Variants in PRKACB observed in about 807,000 individuals in gnomAD.
PRKACB encodes the protein cAMP-dependent protein kinase catalytic subunit beta.
Under a neutral mutation model 51.4 loss-of-function variants are expected in PRKACB, and 16 were observed. That is an observed-to-expected ratio of 0.31 (90% CI 0.21 to 0.47). The LOEUF is 0.47. Ranked by LOEUF, PRKACB falls within the 20% of genes least tolerant of loss-of-function variation. The pLI is 1.00. For synonymous variants in PRKACB, 147 were observed against 154.4 expected, an observed-to-expected ratio of 0.95 and a Z score of 0.35; for missense variants, 309 against 464.5, an observed-to-expected ratio of 0.67 and a Z score of 3.08.
intron 1 of PRKACB, among the ~76,000 whole-genome samples, chr1:84,171,804 G>A (rs1659568964): frequency 6.6e-6 from 1 of 151,412 alleles, no homozygotes; most frequent in Non-Finnish European, 1.5e-5. Context: ...TTTCAGAATT[G>A]ATAACAGAAT....
At chr1:84,170,960 T>C (rs998397671) in intron 1 of PRKACB, among the ~76,000 whole-genome samples, 8 of 151,526 alleles carry the variant, frequency 5.3e-5, no homozygotes, top group African/African-American at 1.9e-4. Flanking sequence ...CTAAATGTAT[T>C]CAACAAATTT....
Position 84,235,168 on chromosome 1 carries a change from T to G in PRKACB, c.1072-12T>G, listed in dbSNP as rs1189809686. 6.3e-7 allele frequency: 1 copy of G among 1,582,910 alleles called. No individual in the cohort carries two copies. Among genetic ancestry groups the G allele is most frequent in the Non-Finnish European group, 8.5e-7 (1 of 1,169,850 alleles). On this transcript the variant is annotated splice_polypyrimidine_tract_variant and intron_variant, in intron 9 of 9. Transcript: ENST00000370685. ...TTCCTTTTTCTTATTTTTCTCTCCC[T>G]CTCAATTATAGGTTGAAGCTCCATT...
At chr1:84,163,781 C>T (rs1180368178) in intron 1 of PRKACB, among the ~76,000 whole-genome samples, 1 of 152,066 alleles carries the variant, frequency 6.6e-6, no homozygotes, top group South Asian at 2.1e-4. Context: ...TCCTGACTTA[C>T]TTCCACATCA....
intron 8 of PRKACB, among the ~76,000 whole-genome samples, chr1:84,207,505 G>T (rs1013560312): frequency 6.6e-6 from 1 of 152,132 alleles, no homozygotes; most frequent in Non-Finnish European, 1.5e-5. Context: ...ATTGTCTAAT[G>T]TGTATGTTCA....
chr1:84,165,406 T>G (rs928591732), intron 1 of PRKACB, among the ~76,000 whole-genome samples: 2 of 151,824 alleles, frequency 1.3e-5, no homozygotes, highest in Non-Finnish European at 2.9e-5. Flanking sequence ...TGCTAATTTT[T>G]ATTAGATTAT....
At chr1:84,198,176 G>A (rs909956754) in intron 7 of PRKACB, among the ~76,000 whole-genome samples, 1 of 152,218 alleles carries the variant, frequency 6.6e-6, no homozygotes, top group East Asian at 1.9e-4. Context: ...GAGATGATAT[G>A]TACTAGTTGT....
intron 1 of PRKACB, among the ~76,000 whole-genome samples, chr1:84,147,092 T>A (rs1654202197): frequency 6.6e-6 from 1 of 152,086 alleles, no homozygotes; most frequent in African/African-American, 2.4e-5. Flanking sequence ...AGTTATACAA[T>A]GCTGACTTAA....
intron 1 of PRKACB, among the ~76,000 whole-genome samples, chr1:84,148,971 C>T (rs891470402): frequency 7.9e-5 from 12 of 152,096 alleles, no homozygotes; most frequent in Non-Finnish European, 1.2e-4. Flanking sequence ...CTCCTGGGAG[C>T]TTGTTAGGAG....
At chr1:84,130,126 C>T (rs1652026552) in intron 1 of PRKACB, among the ~76,000 whole-genome samples, 1 of 131,266 alleles carries the variant, frequency 7.6e-6, no homozygotes, top group Admixed American at 9.1e-5. Context: ...GGAGGCGGAG[C>T]TTGCAGTGAG....
intron 1 of PRKACB, among the ~76,000 whole-genome samples, chr1:84,151,783 A>G (rs1159783691): frequency 6.6e-6 from 1 of 152,220 alleles, no homozygotes; most frequent in African/African-American, 2.4e-5. Flanking sequence ...TTTTAATTCT[A>G]ATTATCTTGT....
rs1676579972 is a variant in PRKACB, at chr1:84,235,445, T to A, written c.*140T>A. 8.9e-7 allele frequency: 1 copy of A among 1,121,096 alleles called. No homozygotes were observed. Among genetic ancestry groups the A allele is most frequent in the South Asian group, 1.4e-5 (1 of 69,196 alleles). 69.4% of individuals were successfully genotyped at this position (1,121,096 alleles called of 1,614,324 possible). A position where few individuals can be genotyped will look rare whatever the true frequency, so the allele number is the denominator to read the frequency against. On this transcript the variant is annotated 3_prime_UTR_variant, in exon 10 of 10. Coordinates refer to ENST00000370685, the MANE Select transcript of PRKACB (RefSeq NM_182948.4). ...CTGAGTGAGGTCTTTATTGCCATCA[T>A]CCCGTGTGCGCACTCTGCATCCACC...
chr1:84,111,477 T>G (rs554190923), intron 1 of PRKACB, among the ~76,000 whole-genome samples: 7 of 152,298 alleles, frequency 4.6e-5, no homozygotes, highest in East Asian at 1.9e-4. Context: ...ATACCTTATA[T>G]TAGTATGGAT....
intron 4 of PRKACB, among the ~76,000 whole-genome samples, chr1:84,184,386 A>C (rs1664483030): frequency 6.6e-6 from 1 of 151,890 alleles, no homozygotes; most frequent in South Asian, 2.1e-4. Context: ...GAAATATTTC[A>C]ATTTATCAAA....
intron 1 of PRKACB, chr1:84,164,422 TGTGA>T (rs1477223279): frequency 6.4e-7 from 1 of 1,572,500 alleles, no homozygotes; most frequent in Non-Finnish European, 8.6e-7. Flanking sequence ...CATGGGATTG[TGTGA>T]GTATTTGAAG....
chr1:84,122,548 A>G lies in PRKACB; in HGVS notation c.46+44177A>G, dbSNP rs76667777. ...AAATTGCATTAAACCAGCTCAATAT[A>G]AGAACAACTGTTTTCTTAAAAGTTA... On this transcript the variant is annotated intron_variant, in intron 1 of 8. Coordinates refer to the PRKACB transcript ENST00000370688. 7.5e-3 allele frequency among the ~76,000 whole-genome samples: 1,140 copies of G among 152,310 alleles called. 15 individuals are homozygous for G. Among genetic ancestry groups the G allele is most frequent in the African/African-American group, 0.025 (1,058 of 41,570 alleles).
At chr1:84,171,372 T>C (rs1407677174) in intron 1 of PRKACB, among the ~76,000 whole-genome samples, 1 of 151,560 alleles carries the variant, frequency 6.6e-6, no homozygotes, top group Non-Finnish European at 1.5e-5. Flanking sequence ...GAAAATATTT[T>C]AAAGTACTAA....
At position 84,093,925 on chromosome 1, in the gene PRKACB, A is replaced by G. The variant is rs113802102; in HGVS notation, c.46+15554A>G. Among the ~76,000 whole-genome samples, 573 of 152,120 alleles carry G rather than the reference A, an allele frequency of 3.8e-3. 4 individuals are homozygous for G. The highest frequency in any genetic ancestry group is 0.013 in the African/African-American group (539 of 41,544). On this transcript the variant is annotated intron_variant, in intron 1 of 8. Coordinates refer to the PRKACB transcript ENST00000370688. ...TCTTCTAATTTTTCATTGTGAGTAT[A>G]TAAGCATAGGGTTAGAAATTTTATG...
chr1:84,152,941 C>T lies in PRKACB; in HGVS notation c.187+8393C>T, dbSNP rs556962955. 4.6e-5 allele frequency among the ~76,000 whole-genome samples: 7 copies of T among 152,314 alleles called. No homozygotes were observed. In the East Asian group the frequency reaches 1.2e-3, roughly 25 times the overall value. The stretch of plus-strand genomic sequence containing the variant: ...GCTTTTGGCCTGTCTCAGCTTTCAA[C>T]ATACCATCCTTACTAAGCTTAATCA... On this transcript the variant is annotated intron_variant, in intron 1 of 9. Coordinates refer to ENST00000370685, the MANE Select transcript of PRKACB (RefSeq NM_182948.4).
rs41301210 is a variant in PRKACB at position 84,238,005 on chromosome 1, A to G, written c.*2700A>G. Reference sequence around the variant, plus strand: ...ATATTGCTTTGAAGTAAGTCTCAATAAGGCAATATATTTTAGGGCATCTTT... The same window carrying G: ...ATATTGCTTTGAAGTAAGTCTCAATGAGGCAATATATTTTAGGGCATCTTT... On this transcript the variant is annotated 3_prime_UTR_variant, in exon 10 of 10. Coordinates refer to ENST00000370685, the MANE Select transcript of PRKACB (RefSeq NM_182948.4). 2.0e-5 allele frequency: 3 copies of G among 152,266 alleles called. No homozygotes were observed. The highest frequency in any genetic ancestry group is 7.2e-5 in the African/African-American group (3 of 41,558). 9.4% of individuals were successfully genotyped at this position (152,266 alleles called of 1,614,324 possible). A position where few individuals can be genotyped will look rare whatever the true frequency, so the allele number is the denominator to read the frequency against.
Sources: gnomAD v4.1 joint callset for allele counts (sites outside exome capture counted in the v4.1 genomes callset) on GRCh38, gnomAD v4.1.1 for gene constraint, MANE v1.5 for transcripts, NCBI Gene and HGNC (gene_info 2026-07-23, HGNC 2026-07-21) for gene names.